Variants in CPA6 observed in about 807,000 individuals in gnomAD.
The protein encoded by CPA6 is carboxypeptidase A6.
In CPA6, 58 loss-of-function variants were observed where a neutral mutation model predicts 63.3. The observed-to-expected ratio is 0.92, with a 90% CI of 0.74 to 1.14. CPA6 has a LOEUF of 1.14. Ranked by LOEUF, CPA6 falls within the 50% of genes most tolerant of loss-of-function variation. CPA6 has a pLI of 0.00. For synonymous variants in CPA6, 185 were observed against 179.0 expected (o/e 1.03, Z -0.27); for missense variants, 565 against 526.6 (o/e 1.07, Z -0.71).
rs56840320 is a variant in CPA6, at chr8:67,447,506, TACACACACACACACAC to T, written c.839-13282_839-13267del. The stretch of plus-strand genomic sequence containing the variant: ...CTGGGCTGAAGGAGATATGTGTGTA[TACACACACACACACAC>T]ACACACACACACACACACACACACA... On this transcript the variant is annotated intron_variant, in intron 8 of 10. Transcript: ENST00000297770. Among the ~76,000 whole-genome samples the T allele has an allele frequency of 1.4e-4, 20 of 142,660 alleles. No individual in the cohort carries two copies. The South Asian group carries it at 3.6e-3, about 26-fold the overall frequency. The allele number at this position is 142,660 out of a possible 152,430, so 93.6% of individuals were successfully genotyped here.
intron 1 of CPA6, among the ~76,000 whole-genome samples, chr8:67,712,973 CAA>C (rs1308317431): frequency 2.0e-5 from 3 of 151,244 alleles, no homozygotes; most frequent in South Asian, 2.1e-4. Context: ...CCCCAAAGTG[CAA>C]AGAGTCATGA....
rs1038449940 is a variant in CPA6 at position 67,545,917 on chromosome 8, G to C, written c.193-27870C>G. On this transcript the variant is annotated intron_variant, in intron 2 of 10. Transcript: ENST00000297770. ...TACTGAAAAATCTCTGTCATCCATC[G>C]AGTAGAAGATAAAGTCCAAACTCCT... 2.0e-5 allele frequency among the ~76,000 whole-genome samples: 3 copies of C among 151,946 alleles called. No homozygotes were observed. The East Asian group carries it at 5.8e-4, about 29-fold the overall frequency.
At chr8:67,481,458 G>C (rs1811359312) in intron 8 of CPA6, among the ~76,000 whole-genome samples, 1 of 152,194 alleles carries the variant, frequency 6.6e-6, no homozygotes. Context: ...TATTCAAAAA[G>C]TATGCCTGTC....
At chr8:67,739,502 T>C (rs1433726275) in intron 1 of CPA6, among the ~76,000 whole-genome samples, 1 of 152,196 alleles carries the variant, frequency 6.6e-6, no homozygotes, top group Non-Finnish European at 1.5e-5. Flanking sequence ...ACATGTCCTT[T>C]GTAGTTCCTA....
At chr8:67,580,398 A>T (rs1186992175) in intron 2 of CPA6, among the ~76,000 whole-genome samples, 5 of 152,214 alleles carry the variant, frequency 3.3e-5, no homozygotes, top group African/African-American at 4.8e-5. Flanking sequence ...TTTGCCTTTC[A>T]GTAACCTCAT....
At chr8:67,654,326 C>T (rs189545613) in intron 1 of CPA6, among the ~76,000 whole-genome samples, 19 of 152,294 alleles carry the variant, frequency 1.2e-4, no homozygotes, top group African/African-American at 4.1e-4. Context: ...ATGGTACCAG[C>T]TCCTCCTTGT....
rs2128951869 is a variant in CPA6, at chr8:67,431,477, C to T, written c.1041+2561G>A. Among the ~76,000 whole-genome samples the T allele has an allele frequency of 2.0e-5, 3 of 152,254 alleles. No individual in the cohort carries two copies. The South Asian group carries it at 6.2e-4, about 32-fold the overall frequency. On this transcript the variant is annotated intron_variant, in intron 9 of 10. Coordinates refer to ENST00000297770, the MANE Select transcript of CPA6 (RefSeq NM_020361.5). The stretch of plus-strand genomic sequence containing the variant: ...CAGGCTGCTCTCGAACTCCTGTCAG[C>T]TTGGCCTCCCAAAGTGCTGGGATTA...
intron 2 of CPA6, among the ~76,000 whole-genome samples, chr8:67,615,651 C>T (rs1814926379): frequency 6.6e-6 from 1 of 152,140 alleles, no homozygotes; most frequent in South Asian, 2.1e-4. Context: ...AGTCACTAGT[C>T]CTTGCTCTTC....
intron 2 of CPA6, among the ~76,000 whole-genome samples, chr8:67,618,391 G>A (rs748795780): frequency 1.3e-5 from 2 of 152,112 alleles, no homozygotes; most frequent in Non-Finnish European, 2.9e-5. Context: ...GTATGACTTG[G>A]TAGTGCACCA....
intron 8 of CPA6, among the ~76,000 whole-genome samples, chr8:67,467,054 A>G (rs1810942725): frequency 6.6e-6 from 1 of 152,184 alleles, no homozygotes; most frequent in Non-Finnish European, 1.5e-5. Flanking sequence ...TACCAGCTGA[A>G]TATATATTAA....
intron 1 of CPA6, among the ~76,000 whole-genome samples, chr8:67,641,011 C>A (rs935184476): frequency 1.3e-5 from 2 of 151,698 alleles, no homozygotes; most frequent in African/African-American, 4.9e-5. Context: ...GCGGGTCATG[C>A]AGTTGGCTGC....
chr8:67,531,232 T>C (rs771848198), intron 2 of CPA6, among the ~76,000 whole-genome samples: 2 of 152,016 alleles, frequency 1.3e-5, no homozygotes, highest in Non-Finnish European at 2.9e-5. Context: ...GTAAGGTATC[T>C]AGAAAGCAGA....
chr8:67,422,775 G>T, intron 10 of CPA6, 84 bp from the exon 11 acceptor site: 1 of 963,016 alleles, frequency 1.0e-6, no homozygotes, highest in South Asian at 1.9e-5. Context: ...TAAAGTATCC[G>T]CTTATTAAGC....
chr8:67,475,827 C>CTTTCTTTCTTTCTT (rs1563967611), intron 8 of CPA6, among the ~76,000 whole-genome samples: 4 of 42,834 alleles, frequency 9.3e-5, no homozygotes, highest in Non-Finnish European at 1.3e-4. Context: ...CCTTTCTTTT[C>CTTTCTTTCTTTCTT]TTTCTTTCTT....
intron 2 of CPA6, among the ~76,000 whole-genome samples, chr8:67,600,272 AT>A (rs1814459687): frequency 6.6e-6 from 1 of 150,820 alleles, no homozygotes; most frequent in African/African-American, 2.4e-5. Flanking sequence ...AAAAAGACAA[AT>A]ACTGCATGCT....
chr8:67,503,754 T>A (rs976717083), intron 6 of CPA6, among the ~76,000 whole-genome samples: 11 of 152,176 alleles, frequency 7.2e-5, no homozygotes, highest in Admixed American at 2.6e-4. Context: ...TATTATTATT[T>A]TTTTAAGTTC....
chr8:67,544,039 A>C (rs1171325584), intron 2 of CPA6, among the ~76,000 whole-genome samples: 1 of 152,082 alleles, frequency 6.6e-6, no homozygotes, highest in African/African-American at 2.4e-5. Flanking sequence ...CCTCCTGCCT[A>C]GGACCCCCAA....
chr8:67,638,411 T>G lies in CPA6; in HGVS notation c.117-14160A>C, dbSNP rs144173915. Among the ~76,000 whole-genome samples the G allele has an allele frequency of 2.7e-3, 413 of 151,432 alleles. 23 individuals are homozygous for G. Among genetic ancestry groups the G allele is most frequent in the African/African-American group, 9.4e-3 (383 of 40,782 alleles). On this transcript the variant is annotated intron_variant, in intron 1 of 10. Transcript: ENST00000297770. ...CCCTAAAAAATCAACCTAATAAACC[T>G]AGTAAAATTTAAATTGATATGGTCC...
chr8:67,740,677 C>T (rs572829628), intron 1 of CPA6, among the ~76,000 whole-genome samples: 3 of 152,256 alleles, frequency 2.0e-5, no homozygotes, highest in South Asian at 2.1e-4. Flanking sequence ...TCAAGTGATT[C>T]TCCTGCCTCA....
Sources: allele counts gnomAD v4.1 joint callset (sites outside exome capture counted in the v4.1 genomes callset), GRCh38; gene constraint gnomAD v4.1.1; transcripts MANE v1.5; gene names NCBI Gene and HGNC (gene_info 2026-07-23, HGNC 2026-07-21).